Variants in ILF2 observed in about 807,000 individuals in gnomAD.
ILF2 encodes interleukin enhancer binding factor 2, also known as interleukin enhancer-binding factor 2.
ILF2 carries 9 observed loss-of-function variants against 55.3 expected under a neutral mutation model. That is an observed-to-expected ratio of 0.16 (90% confidence interval 0.10 to 0.28). ILF2 has a LOEUF of 0.28. Ranked by LOEUF, ILF2 falls within the 10% of genes least tolerant of loss-of-function variation. ILF2 has a pLI of 1.00. For missense variants in ILF2, 266 were observed against 474.9 expected (o/e 0.56, Z 4.09); for synonymous variants, 151 against 161.8 (o/e 0.93, Z 0.50).
Position 153,662,542 on chromosome 1 carries a change from T to C in ILF2, c.1027A>G (p.Ile343Val). 6.2e-7 allele frequency: 1 copy of C among 1,614,132 alleles called. No individual in the cohort carries two copies. Among genetic ancestry groups the C allele is most frequent in the Non-Finnish European group, 8.5e-7 (1 of 1,179,974 alleles). The change falls in exon 14 of 14, where the codon ATA (isoleucine) becomes GTA (valine). Residue 343 changes from isoleucine (I) to valine (V), a missense_variant. Transcript: ENST00000361891. ...EGDASYLASE[I>V]STWDGVIVTP... is the part of the protein sequence containing the mutation. ...ACTATCACTCCATCCCAGGTAGATA[T>C]TTCAGAAGCAAGATCTAGGAAAGAG... is the stretch of plus-strand genomic sequence containing the variant.
intron 8 of ILF2, among the ~76,000 whole-genome samples, chr1:153,664,975 T>G (rs1669272646): frequency 6.6e-6 from 1 of 152,224 alleles, no homozygotes; most frequent in African/African-American, 2.4e-5. Context: ...TCCATAAATA[T>G]TTTCTCAGTC....
At chr1:153,664,573 A>C in intron 8 of ILF2, 99 bp from the exon 9 acceptor site, 1 of 943,200 alleles carries the variant, frequency 1.1e-6, no homozygotes, top group Non-Finnish European at 1.7e-6. Context: ...GGAGGGCAGG[A>C]TAGACGGAGT....
intron 8 of ILF2, among the ~76,000 whole-genome samples, chr1:153,664,929 C>T (rs1212342692): frequency 6.6e-6 from 1 of 152,222 alleles, no homozygotes; most frequent in East Asian, 1.9e-4. Context: ...TCACTAGAAA[C>T]ATGCAAGATC....
chr1:153,669,261 T>TA (rs1400939281), intron 3 of ILF2, among the ~76,000 whole-genome samples: 1 of 152,080 alleles, frequency 6.6e-6, no homozygotes, highest in Middle Eastern at 3.2e-3. Context: ...CAAACAAGGA[T>TA]AAAAGCTGGA....
chr1:153,665,377 C>A, intron 7 of ILF2, 41 bp from the exon 8 acceptor site: 1 of 1,309,900 alleles, frequency 7.6e-7, no homozygotes, highest in Non-Finnish European at 1.1e-6. Flanking sequence ...CTCACATTTC[C>A]ATTAGATGAT....
At chr1:153,665,798 A>G in intron 6 of ILF2, 70 bp from the exon 7 acceptor site, 1 of 1,131,020 alleles carries the variant, frequency 8.8e-7, no homozygotes, top group South Asian at 1.4e-5. Context: ...TCTCTAAGCT[A>G]CTTTGCACTC....
chr1:153,662,858 T>C lies in ILF2; in HGVS notation c.922-63A>G, dbSNP rs1669206308. On this transcript the variant is annotated intron_variant, in intron 12 of 13. Transcript: ENST00000361891. ...AAAGGACCTTATTTGAGTAATACCC[T>C]TCTGAAAACAGAGATTAAGACAGCT... 21 of 1,430,414 alleles carry C rather than the reference T, an allele frequency of 1.5e-5. 1 individual carries two copies. The highest frequency in any genetic ancestry group is 2.1e-5 in the Non-Finnish European group (21 of 1,017,634). The allele number at this position is 1,430,414 out of a possible 1,614,324, so 88.6% of individuals were successfully genotyped here. A position where few individuals can be genotyped will look rare whatever the true frequency, so the allele number is the denominator to read the frequency against.
intron 5 of ILF2, 29 bp downstream of exon 5, chr1:153,667,971 T>A: frequency 2.0e-6 from 3 of 1,535,484 alleles, no homozygotes; most frequent in Non-Finnish European, 2.7e-6. Context: ...AAGCTGCCCT[T>A]TCCTAAAACT....
chr1:153,667,371 G>A (rs879039721), intron 6 of ILF2, 184 bp downstream of exon 6: 3 of 628,336 alleles, frequency 4.8e-6, no homozygotes, highest in Admixed American at 2.6e-5. Flanking sequence ...CCAGCTACTC[G>A]GGAGGCTAAG....
intron 3 of ILF2, 148 bp from the exon 4 acceptor site, chr1:153,668,705 G>C: frequency 1.1e-6 from 1 of 938,326 alleles, no homozygotes; most frequent in South Asian, 1.8e-5. Flanking sequence ...AGCTGGGCGT[G>C]GTGGCTCACA....
intron 6 of ILF2, 89 bp downstream of exon 6, chr1:153,667,466 G>A (rs1464322670): frequency 1.1e-6 from 1 of 921,160 alleles, no homozygotes; most frequent in Non-Finnish European, 1.8e-6. Flanking sequence ...CCAACGGAGG[G>A]AGAATTTGTC....
chr1:153,670,754 T>G (rs1669424060), intron 1 of ILF2, among the ~76,000 whole-genome samples, 164 bp downstream of exon 1: 1 of 152,050 alleles, frequency 6.6e-6, no homozygotes, highest in Non-Finnish European at 1.5e-5. Context: ...TTTCCCCGCC[T>G]CTACCGGCCT....
chr1:153,670,009 A>T, intron 2 of ILF2, 131 bp from the exon 3 acceptor site: 1 of 1,096,942 alleles, frequency 9.1e-7, no homozygotes, highest in South Asian at 1.3e-5. Context: ...GGAAAGAATC[A>T]TTCTTAGCAT....
intron 6 of ILF2, 192 bp downstream of exon 6, chr1:153,667,363 A>G: frequency 1.6e-6 from 1 of 622,370 alleles, no homozygotes; most frequent in African/African-American, 1.8e-5. Flanking sequence ...CTGTAGTCCC[A>G]GCTACTCGGG....
intron 3 of ILF2, among the ~76,000 whole-genome samples, chr1:153,669,026 G>A (rs937078580): frequency 1.3e-5 from 2 of 151,982 alleles, no homozygotes; most frequent in African/African-American, 4.8e-5. Context: ...GCAACATGGT[G>A]AAACCCCGTC....
In ILF2 at chr1:153,662,337, T is replaced by C. The variant is rs922142340; in HGVS notation, c.*59A>G. 13 of 1,606,744 alleles carry C rather than the reference T, an allele frequency of 8.1e-6. No homozygotes were observed. Among genetic ancestry groups the C allele is most frequent in the Non-Finnish European group, 9.3e-6 (11 of 1,176,860 alleles). On this transcript the variant is annotated 3_prime_UTR_variant, in exon 14 of 14. Transcript: ENST00000361891. ...ATGTCTGTCACCATGTAAAGCCCAGTAGCAGGCAGCTTAGGCTCCAGTCTT... is the reference window on the plus strand; with the variant it reads ...ATGTCTGTCACCATGTAAAGCCCAGCAGCAGGCAGCTTAGGCTCCAGTCTT...
chr1:153,668,102 TTGAAAA>T (rs2101716263), intron 4 of ILF2, 25 bp from the exon 5 acceptor site: 1 of 1,508,526 alleles, frequency 6.6e-7, no homozygotes, highest in Non-Finnish European at 9.1e-7. Flanking sequence ...GAAACAATAC[TTGAAAA>T]TGAAAAATTA....
chr1:153,669,507 G>A (rs1324192158), intron 3 of ILF2, among the ~76,000 whole-genome samples: 1 of 150,316 alleles, frequency 6.7e-6, no homozygotes, highest in Non-Finnish European at 1.5e-5. Context: ...TTTTTTTGTA[G>A]TGGTGCCATC....
chr1:153,670,325 C>T (rs1027071046), intron 1 of ILF2, 95 bp from the exon 2 acceptor site: 1 of 1,260,572 alleles, frequency 7.9e-7, no homozygotes, highest in Non-Finnish European at 1.2e-6. Flanking sequence ...AACCTCCCAA[C>T]GGTAGGCAAG....
Sources: allele counts gnomAD v4.1 joint callset (sites outside exome capture counted in the v4.1 genomes callset), GRCh38; gene constraint gnomAD v4.1.1; transcripts MANE v1.5; gene names NCBI Gene and HGNC (gene_info 2026-07-23, HGNC 2026-07-21).